The following GNAI2 variants were observed in gnomAD, a reference collection of about 807,000 sequenced individuals.
GNAI2 encodes the protein guanine nucleotide-binding protein G(i) subunit alpha-2.
A neutral mutation model predicts 36.8 loss-of-function variants in GNAI2; 4 were observed. The observed-to-expected ratio is 0.11, with a 90% CI of 0.05 to 0.25. GNAI2 has a LOEUF of 0.25. Among genes scored for constraint, GNAI2 ranks in the 10% least tolerant of loss-of-function variants. The pLI is 1.00. For synonymous variants in GNAI2, 194 were observed against 194.1 expected (o/e 1.00, Z 0.01); for missense variants, 230 against 481.3 (o/e 0.48, Z 4.89).
intron 1 of GNAI2, among the ~76,000 whole-genome samples, chr3:50,245,052 G>A (rs1396469331): frequency 6.6e-6 from 1 of 151,250 alleles, no homozygotes; most frequent in African/African-American, 2.4e-5. Flanking sequence ...AGGCTAGAGT[G>A]CAGTGATGCA....
intron 4 of GNAI2, among the ~76,000 whole-genome samples, chr3:50,254,745 CTT>C (rs1474433612): frequency 2.0e-5 from 3 of 152,238 alleles, no homozygotes; most frequent in Non-Finnish European, 2.9e-5. Flanking sequence ...CCATCATCCT[CTT>C]TCTCTATTCT....
At chr3:50,247,097 T>C in intron 1 of GNAI2, 1 of 722,474 alleles carries the variant, frequency 1.4e-6, no homozygotes, top group Non-Finnish European at 2.5e-6. Flanking sequence ...TCTGTACTCT[T>C]TCAAAGGGTA....
upstream of GNAI2, among the ~76,000 whole-genome samples, chr3:50,233,614 G>A (rs782798738): frequency 1.3e-5 from 2 of 152,230 alleles, no homozygotes; most frequent in African/African-American, 2.4e-5. Context: ...TGACCTATGT[G>A]TGGGTGTCTA....
chr3:50,245,927 G>C (rs1414384341), intron 1 of GNAI2, among the ~76,000 whole-genome samples: 2 of 152,266 alleles, frequency 1.3e-5, no homozygotes, highest in African/African-American at 4.8e-5. Flanking sequence ...AGGCAGCCGA[G>C]TGCCAGAGAC....
At chr3:50,233,280 T>C (rs1553699972), upstream of GNAI2, among the ~76,000 whole-genome samples, 1 of 152,150 alleles carries the variant, frequency 6.6e-6, no homozygotes, top group Non-Finnish European at 1.5e-5. Context: ...AGGCCATGCC[T>C]TCCAGTAGCC....
intron 1 of GNAI2, among the ~76,000 whole-genome samples, chr3:50,237,238 C>G (rs901458272): frequency 4.6e-5 from 7 of 152,336 alleles, no homozygotes; most frequent in East Asian, 1.9e-4. Flanking sequence ...TATGCAGAAC[C>G]CCCACGGGGC....
chr3:50,252,032 G>A lies in GNAI2; in HGVS notation c.119-68G>A. ...CTGCCTCCTGGGCTACAGGTGTCTG[G>A]GCATTTGTTCTGTGCCTGTGGAGCC... On this transcript the variant is annotated intron_variant, in intron 1 of 8. Transcript: ENST00000313601. The surrounding 1 kb of genome is among the most constrained non-coding windows in gnomAD (Gnocchi z 4.1). 2 of 1,465,534 alleles carry A rather than the reference G, an allele frequency of 1.4e-6. No homozygotes were observed. The highest frequency in any genetic ancestry group is 3.5e-4 in the Middle Eastern group (2 of 5,756). The allele number at this position is 1,465,534 out of a possible 1,614,324, so 90.8% of individuals were successfully genotyped here.
At chr3:50,232,550 C>A (rs1261623908), upstream of GNAI2, among the ~76,000 whole-genome samples, 1 of 152,200 alleles carries the variant, frequency 6.6e-6, no homozygotes. Context: ...AGTTTGCAAA[C>A]TGCTCCTCAG....
chr3:50,236,511 A>G lies in GNAI2; in HGVS notation c.118+58A>G, dbSNP rs1311556842. ...TCCCAGCTCGAATCCCCAGACAAGGACTTTGACCTCCCAGACTAGGGCTTC... is the reference window on the plus strand; with the variant it reads ...TCCCAGCTCGAATCCCCAGACAAGGGCTTTGACCTCCCAGACTAGGGCTTC... On this transcript the variant is annotated intron_variant, in intron 1 of 8. Transcript: ENST00000313601. The surrounding 1 kb of genome is among the most constrained non-coding windows in gnomAD (Gnocchi z 4.0). 6 of 1,546,784 alleles carry G rather than the reference A, an allele frequency of 3.9e-6. No individual in the cohort carries two copies. The highest frequency in any genetic ancestry group is 2.9e-5 in the African/African-American group (2 of 69,854).
chr3:50,254,955 C>T (rs1333357308), intron 4 of GNAI2, among the ~76,000 whole-genome samples: 5 of 152,176 alleles, frequency 3.3e-5, no homozygotes, highest in East Asian at 1.9e-4. Flanking sequence ...GTCCCTGGGG[C>T]GAACCCACCT....
rs1700237707 is a variant in GNAI2 at position 50,238,662 on chromosome 3, G to A, written c.118+2209G>A. On this transcript the variant is annotated intron_variant, in intron 1 of 8. Transcript: ENST00000313601. This position sits in a 1 kb window ranked among gnomAD's most constrained non-coding sequence, Gnocchi z 5.0. ...GTAGGTTGGGAGTAAAGACCCTGCAGTGTGCTGCAAAGGGCTCTGACCAAG... is the reference window on the plus strand; with the variant it reads ...GTAGGTTGGGAGTAAAGACCCTGCAATGTGCTGCAAAGGGCTCTGACCAAG... 6.6e-6 allele frequency among the ~76,000 whole-genome samples: 1 copy of A among 152,240 alleles called. No individual in the cohort carries two copies. Among genetic ancestry groups the A allele is most frequent in the Non-Finnish European group, 1.5e-5 (1 of 68,034 alleles).
In GNAI2 at chr3:50,242,276, G is replaced by A. The variant is rs374689119; in HGVS notation, c.118+5823G>A. ...CCTCCCCTACATCCCGTTGTGCTGTGGGGGGAGGCAGGACCGGGCAGATGG... is the reference window on the plus strand; with the variant it reads ...CCTCCCCTACATCCCGTTGTGCTGTAGGGGGAGGCAGGACCGGGCAGATGG... On this transcript the variant is annotated intron_variant, in intron 1 of 8. Coordinates refer to ENST00000313601, the MANE Select transcript of GNAI2 (RefSeq NM_002070.4). This position sits in a 1 kb window ranked among gnomAD's most constrained non-coding sequence, Gnocchi z 4.8. 3.3e-5 allele frequency among the ~76,000 whole-genome samples: 5 copies of A among 152,208 alleles called. No homozygotes were observed. The South Asian group carries it at 6.2e-4, about 19-fold the overall frequency.
At position 50,253,167 on chromosome 3, in the gene GNAI2, C is replaced by G; in HGVS notation, c.447C>G (p.Leu149=). ...TTGGCCGCTCAAGGGAATACCAGCT[C>G]AACGACTCAGCTGCCTAGTGAGTGC... ...ACFGRSREYQ[L]NDSAAYYLND... is the part of the protein sequence containing the mutation. Residue 149 remains leucine, a synonymous_variant, in exon 4 of 9, where the codon CTC becomes CTG. Coordinates refer to ENST00000313601, the MANE Select transcript of GNAI2 (RefSeq NM_002070.4). This position sits in a 1 kb window ranked among gnomAD's most constrained non-coding sequence, Gnocchi z 4.2. The G allele has an allele frequency of 6.2e-7, 1 of 1,611,398 alleles. No homozygotes were observed. Among genetic ancestry groups the G allele is most frequent in the Non-Finnish European group, 8.5e-7 (1 of 1,177,980 alleles).
At position 50,241,328 on chromosome 3, in the gene GNAI2, C is replaced by T. The variant is rs587605554; in HGVS notation, c.118+4875C>T. Among the ~76,000 whole-genome samples, 51 of 152,314 alleles carry T rather than the reference C, an allele frequency of 3.3e-4. No individual in the cohort carries two copies. Among genetic ancestry groups the T allele is most frequent in the African/African-American group, 1.2e-3 (50 of 41,568 alleles). The stretch of plus-strand genomic sequence containing the variant: ...GCCTCTGAGTCTCTTCTTCCCACCC[C>T]TCCCCCAGGCTTGTCGGGGCTTTGT... On this transcript the variant is annotated intron_variant, in intron 1 of 8. Coordinates refer to ENST00000313601, the MANE Select transcript of GNAI2 (RefSeq NM_002070.4). This position sits in a 1 kb window ranked among gnomAD's most constrained non-coding sequence, Gnocchi z 5.0.
chr3:50,244,819 G>A (rs146654815), intron 1 of GNAI2, among the ~76,000 whole-genome samples: 1 of 152,296 alleles, frequency 6.6e-6, no homozygotes, highest in Non-Finnish European at 1.5e-5. Context: ...AGGCTTAGGA[G>A]AGCCAGAGCA....
rs587660610 is a variant in GNAI2 at position 50,258,570 on chromosome 3, G to A, written c.*227G>A. ...TGCCCTTGTCTGAGATGCTGGTAAT[G>A]GCCATGGTACCCCCTTCTGGGCATC... On this transcript the variant is annotated 3_prime_UTR_variant, in exon 9 of 9. Coordinates refer to ENST00000313601, the MANE Select transcript of GNAI2 (RefSeq NM_002070.4). The A allele has an allele frequency of 5.4e-6, 1 of 185,784 alleles. No homozygotes were observed. The highest frequency in any genetic ancestry group is 2.4e-5 in the African/African-American group (1 of 42,154). 11.5% of individuals were successfully genotyped at this position (185,784 alleles called of 1,614,324 possible).
At chr3:50,251,317 G>C (rs1553702413) in intron 1 of GNAI2, 1 of 954,738 alleles carries the variant, frequency 1.0e-6, no homozygotes, top group African/African-American at 1.8e-5. Context: ...AGTATCTGCT[G>C]TGACTAATAC....
At chr3:50,231,965 G>A (rs370530362), upstream of GNAI2, among the ~76,000 whole-genome samples, 1 of 151,968 alleles carries the variant, frequency 6.6e-6, no homozygotes, top group African/African-American at 2.4e-5. Flanking sequence ...GGGAGGCCAA[G>A]ACGGGAGGAT....
Position 50,252,354 on chromosome 3 carries a change from C to A in GNAI2, c.162-43C>A, listed in dbSNP as rs1233109721. 1 of 1,603,140 alleles carries A rather than the reference C, an allele frequency of 6.2e-7. No homozygotes were observed. Among genetic ancestry groups the A allele is most frequent in the Non-Finnish European group, 8.5e-7 (1 of 1,171,092 alleles). Reference sequence around the variant, plus strand: ...AGCCCCAGGCAGCCGTGGGAACTCCCAGTGCCCAGGGGACACTAACCTTCC... The same window carrying A: ...AGCCCCAGGCAGCCGTGGGAACTCCAAGTGCCCAGGGGACACTAACCTTCC... On this transcript the variant is annotated intron_variant, in intron 2 of 8. Coordinates refer to ENST00000313601, the MANE Select transcript of GNAI2 (RefSeq NM_002070.4). This position sits in a 1 kb window ranked among gnomAD's most constrained non-coding sequence, Gnocchi z 4.1.
Sources: gnomAD v4.1 joint callset for allele counts (sites outside exome capture counted in the v4.1 genomes callset) on GRCh38, gnomAD v4.1.1 for gene constraint, Gnocchi (gnomAD v3.1) non-coding constraint, MANE v1.5 for transcripts, NCBI Gene and HGNC (gene_info 2026-07-23, HGNC 2026-07-21) for gene names.